Variants in TECPR2 observed in about 807,000 individuals in gnomAD.
TECPR2 encodes tectonin beta-propeller repeat-containing protein 2.
A neutral mutation model predicts 138.1 loss-of-function variants in TECPR2; 65 were observed. The observed-to-expected ratio is 0.47, with a 90% CI of 0.39 to 0.58. TECPR2 has a LOEUF of 0.58. Among genes scored for constraint, TECPR2 ranks in the 20% least tolerant of loss-of-function variants. The pLI is 0.00. For missense variants in TECPR2, 1,553 were observed against 1,824.5 expected, an observed-to-expected ratio of 0.85 and a Z score of 2.71; for synonymous variants, 746 against 749.8, an observed-to-expected ratio of 0.99 and a Z score of 0.08.
At chr14:102,437,048 A>T in intron 9 of TECPR2, 1 of 985,382 alleles carries the variant, frequency 1.0e-6, no homozygotes, top group Non-Finnish European at 1.2e-6. Context: ...GAAGCCAAGA[A>T]ATTTTATGGT....
At chr14:102,480,416 G>A (rs1320396440) in intron 17 of TECPR2, among the ~76,000 whole-genome samples, 1 of 151,942 alleles carries the variant, frequency 6.6e-6, no homozygotes, top group African/African-American at 2.4e-5. Flanking sequence ...AGTAGAGATG[G>A]GTTTTCACTG....
At position 102,469,286 on chromosome 14, in the gene TECPR2, T is replaced by C. The variant is rs887120977; in HGVS notation, c.3789+3997T>C. ...TTTTGTAGTTTTCAGAGTATATGTTTTATACTGCTTTTGTTAGGTTTATTT... is the reference window on the plus strand; with the variant it reads ...TTTTGTAGTTTTCAGAGTATATGTTCTATACTGCTTTTGTTAGGTTTATTT... On this transcript the variant is annotated intron_variant, in intron 17 of 19. Coordinates refer to ENST00000359520, the MANE Select transcript of TECPR2 (RefSeq NM_014844.5). 3.9e-5 allele frequency among the ~76,000 whole-genome samples: 6 copies of C among 152,246 alleles called. No homozygotes were observed. In the South Asian group the frequency reaches 6.2e-4, roughly 16 times the overall value.
In TECPR2 at chr14:102,407,437, G is replaced by A. The variant is rs1595107101; in HGVS notation, c.319G>A (p.Val107Ile). ...ASGRVAVFQL[V>I]SSLPGRNKQL... Reference sequence around the variant, plus strand: ...TGGCAGGGTTGCAGTTTTTCAACTTGTATCTTCATTGCCAGGGAGAAATAA... The same window carrying A: ...TGGCAGGGTTGCAGTTTTTCAACTTATATCTTCATTGCCAGGGAGAAATAA... The change falls in exon 3 of 20, where the codon GTA becomes ATA. Residue 107 changes from valine (V) to isoleucine (I), a missense_variant. Coordinates refer to ENST00000359520, the MANE Select transcript of TECPR2 (RefSeq NM_014844.5). 6.2e-7 allele frequency: 1 copy of A among 1,613,408 alleles called. No homozygotes were observed. Among genetic ancestry groups the A allele is most frequent in the Non-Finnish European group, 8.5e-7 (1 of 1,179,698 alleles).
chr14:102,436,270 G>A (rs1453239367), intron 9 of TECPR2, among the ~76,000 whole-genome samples: 1 of 150,320 alleles, frequency 6.7e-6, no homozygotes, highest in African/African-American at 2.5e-5. Flanking sequence ...CTGCTTACTT[G>A]TTTTGAGACA....
intron 9 of TECPR2, 134 bp from the exon 10 acceptor site, chr14:102,437,888 G>C: frequency 3.0e-6 from 3 of 1,005,776 alleles, no homozygotes; most frequent in Non-Finnish European, 4.4e-6. Flanking sequence ...TTGGGAGAAG[G>C]GTTGACTTGG....
At chr14:102,422,258 A>G (rs1889203823) in intron 5 of TECPR2, among the ~76,000 whole-genome samples, 1 of 152,220 alleles carries the variant, frequency 6.6e-6, no homozygotes, top group South Asian at 2.1e-4. Flanking sequence ...GAAAATGAAT[A>G]AATGAATTGT....
At chr14:102,414,520 A>G in intron 4 of TECPR2, 116 bp from the exon 5 acceptor site, 1 of 1,262,708 alleles carries the variant, frequency 7.9e-7, no homozygotes, top group South Asian at 1.5e-5. Context: ...GCATGCGTTA[A>G]GTAAGGTGCA....
At chr14:102,380,122 TC>T (rs1887761633) in intron 2 of TECPR2, among the ~76,000 whole-genome samples, 1 of 145,340 alleles carries the variant, frequency 6.9e-6, no homozygotes, top group Non-Finnish European at 1.5e-5. Context: ...CATCTTAAAA[TC>T]CATGCACAGA....
At chr14:102,484,202 C>A (rs1890968589) in intron 17 of TECPR2, among the ~76,000 whole-genome samples, 1 of 152,090 alleles carries the variant, frequency 6.6e-6, no homozygotes, top group South Asian at 2.1e-4. Context: ...AGAAGACATT[C>A]TCAACCTTAT....
chr14:102,363,705 C>T (rs1357775376), intron 1 of TECPR2, among the ~76,000 whole-genome samples: 5 of 152,252 alleles, frequency 3.3e-5, no homozygotes, highest in East Asian at 3.8e-4. Flanking sequence ...CCAGCGGCCC[C>T]TTCCTAGCTC....
chr14:102,368,725 T>C (rs1036009230), intron 1 of TECPR2, among the ~76,000 whole-genome samples: 5 of 152,164 alleles, frequency 3.3e-5, no homozygotes, highest in African/African-American at 1.2e-4. Context: ...GAGCTAATTT[T>C]GATGGCTGAA....
chr14:102,451,252 G>T (rs1391582752), intron 15 of TECPR2, among the ~76,000 whole-genome samples: 3 of 152,180 alleles, frequency 2.0e-5, no homozygotes, highest in African/African-American at 7.2e-5. Context: ...GGGAGCCCCG[G>T]CAGTCAGGCG....
At chr14:102,414,917 G>T in intron 5 of TECPR2, 124 bp downstream of exon 5, 1 of 1,243,762 alleles carries the variant, frequency 8.0e-7, no homozygotes, top group Non-Finnish European at 1.1e-6. Context: ...GCGCCTCTAA[G>T]CCTGGGGTTC....
chr14:102,397,459 A>T (rs2139681575), intron 2 of TECPR2, among the ~76,000 whole-genome samples: 1 of 152,312 alleles, frequency 6.6e-6, no homozygotes, highest in South Asian at 2.1e-4. Flanking sequence ...ACTAAAGAAG[A>T]TGTGGCGCTG....
intron 17 of TECPR2, among the ~76,000 whole-genome samples, chr14:102,484,744 C>T (rs1205539830): frequency 1.3e-5 from 2 of 152,102 alleles, no homozygotes; most frequent in Non-Finnish European, 2.9e-5. Flanking sequence ...CTGCAGCCTC[C>T]CCCTCCTGTG....
At chr14:102,473,404 G>C (rs1264163419) in intron 17 of TECPR2, among the ~76,000 whole-genome samples, 1 of 152,234 alleles carries the variant, frequency 6.6e-6, no homozygotes, top group African/African-American at 2.4e-5. Context: ...GAGGATTGGA[G>C]AACAAGCGGG....
At chr14:102,437,211 G>GTAATA in intron 9 of TECPR2, 1 of 981,578 alleles carries the variant, frequency 1.0e-6, no homozygotes, top group South Asian at 4.7e-5. Context: ...TTATTGAAAA[G>GTAATA]TATTAAAGTA....
At position 102,450,008 on chromosome 14, in the gene TECPR2, C is replaced by G. The variant is rs186525235; in HGVS notation, c.3316+139C>G. On this transcript the variant is annotated intron_variant, in intron 14 of 19. Transcript: ENST00000359520. ...GTATGAAGTGTCTAGTGGAGGCACTCTATGCTTTGTGATCAGTTTCTCTCC... is the reference window on the plus strand; with the variant it reads ...GTATGAAGTGTCTAGTGGAGGCACTGTATGCTTTGTGATCAGTTTCTCTCC... 27 of 1,260,080 alleles carry G rather than the reference C, an allele frequency of 2.1e-5. No homozygotes were observed. The Admixed American group carries it at 3.6e-4, about 17-fold the overall frequency. The allele number at this position is 1,260,080 out of a possible 1,614,324, so 78.1% of individuals were successfully genotyped here.
rs181467993 is a variant in TECPR2 at position 102,487,014 on chromosome 14, G to A, written c.3790-9965G>A. ...ACCCACACGCCTCAGCGCCCCCTGAGGCTGCACGGATAGACGGACAGACAC... is the reference window on the plus strand; with the variant it reads ...ACCCACACGCCTCAGCGCCCCCTGAAGCTGCACGGATAGACGGACAGACAC... On this transcript the variant is annotated intron_variant, in intron 17 of 19. Transcript: ENST00000359520. 2.1e-3 allele frequency among the ~76,000 whole-genome samples: 315 copies of A among 152,302 alleles called. 8 individuals carry two copies. Among genetic ancestry groups the A allele is most frequent in the Admixed American group, 0.019 (287 of 15,302 alleles).
Sources: gnomAD v4.1 joint callset for allele counts (sites outside exome capture counted in the v4.1 genomes callset) on GRCh38, gnomAD v4.1.1 for gene constraint, MANE v1.5 for transcripts, NCBI Gene and HGNC (gene_info 2026-07-23, HGNC 2026-07-21) for gene names.